The following PLCB1 variants were observed in gnomAD, a reference collection of about 807,000 sequenced individuals.
The protein encoded by PLCB1 is 1-phosphatidylinositol 4,5-bisphosphate phosphodiesterase beta-1.
A neutral mutation model predicts 161.8 loss-of-function variants in PLCB1; 46 were observed. The observed-to-expected ratio is 0.28, with a 90% CI of 0.22 to 0.36. The LOEUF is 0.36. PLCB1 is among the 10% of genes least tolerant of loss of function. PLCB1 has a pLI of 1.00. For synonymous variants in PLCB1, 517 were observed against 503.7 expected (o/e 1.03, Z -0.35); for missense variants, 1,016 against 1,472.5 (o/e 0.69, Z 5.07).
chr20:8,365,713 T>C (rs1160160634), intron 2 of PLCB1, among the ~76,000 whole-genome samples: 1 of 152,240 alleles, frequency 6.6e-6, no homozygotes, highest in African/African-American at 2.4e-5. Context: ...TATTCTACTT[T>C]TGGTAAATCA....
intron 31 of PLCB1, among the ~76,000 whole-genome samples, chr20:8,815,757 C>T (rs1985057293): frequency 6.6e-6 from 1 of 152,178 alleles, no homozygotes; most frequent in Non-Finnish European, 1.5e-5. Context: ...AAAAAATTAT[C>T]TGCTGATCAT....
intron 31 of PLCB1, among the ~76,000 whole-genome samples, chr20:8,838,201 A>C (rs1391741217): frequency 6.6e-6 from 1 of 152,204 alleles, no homozygotes; most frequent in Non-Finnish European, 1.5e-5. Flanking sequence ...AGTCTCTTTG[A>C]GGAAAGACTC....
At chr20:8,528,044 G>A (rs722664) in intron 3 of PLCB1, among the ~76,000 whole-genome samples, 94,389 of 151,882 alleles carry the variant, frequency 0.62, 29,876 homozygotes, top group African/African-American at 0.71. Flanking sequence ...TAACAATGAC[G>A]TAATTGATGA....
intron 26 of PLCB1, among the ~76,000 whole-genome samples, chr20:8,766,249 AAC>A (rs1982308661): frequency 3.3e-5 from 5 of 152,184 alleles, no homozygotes; most frequent in Admixed American, 2.0e-4. Context: ...ATAAACAACA[AAC>A]ACACAGCATC....
At chr20:8,573,463 A>C (rs911531467) in intron 3 of PLCB1, among the ~76,000 whole-genome samples, 2 of 152,256 alleles carry the variant, frequency 1.3e-5, no homozygotes, top group Non-Finnish European at 2.9e-5. Context: ...TCAATGCTGC[A>C]TACTATTCCA....
At chr20:8,170,855 A>G (rs1395510505) in intron 2 of PLCB1, among the ~76,000 whole-genome samples, 1 of 152,186 alleles carries the variant, frequency 6.6e-6, no homozygotes, top group Non-Finnish European at 1.5e-5. Context: ...TGAGAGAGCA[A>G]CAGCATTACT....
At chr20:8,653,362 A>T (rs1160912511) in intron 7 of PLCB1, 4 of 152,040 alleles carry the variant, frequency 2.6e-5, no homozygotes, top group Admixed American at 1.3e-4. Flanking sequence ...ATAAATCAGA[A>T]GCAATCACTT....
intron 3 of PLCB1, among the ~76,000 whole-genome samples, chr20:8,416,929 TACACACACACACACAC>T (rs56097941): frequency 7.9e-5 from 10 of 126,450 alleles, no homozygotes; most frequent in Non-Finnish European, 1.5e-4. Context: ...AGAGACAGAA[TACACACACACACACAC>T]ACACACACAC....
intron 2 of PLCB1, among the ~76,000 whole-genome samples, chr20:8,180,016 G>A (rs1466992561): frequency 2.0e-5 from 3 of 151,226 alleles, no homozygotes; most frequent in Non-Finnish European, 4.4e-5. Context: ...CCGCCACTAC[G>A]CCCGGCTAAT....
At chr20:8,836,280 A>G (rs1986280284) in intron 31 of PLCB1, among the ~76,000 whole-genome samples, 1 of 152,204 alleles carries the variant, frequency 6.6e-6, no homozygotes, top group Non-Finnish European at 1.5e-5. Context: ...GAGCTGAAAA[A>G]TAACTGTGGC....
chr20:8,144,685 G>A (rs930413568), intron 1 of PLCB1, among the ~76,000 whole-genome samples: 1 of 152,184 alleles, frequency 6.6e-6, no homozygotes, highest in African/African-American at 2.4e-5. Flanking sequence ...AGTTTGACAA[G>A]CATCACATCT....
chr20:8,303,301 T>A (rs1027983625), intron 2 of PLCB1, among the ~76,000 whole-genome samples: 2 of 152,170 alleles, frequency 1.3e-5, no homozygotes, highest in Admixed American at 6.5e-5. Context: ...TGGGCACAAT[T>A]TGCCTTTATG....
At chr20:8,523,130 A>G (rs1984416590) in intron 3 of PLCB1, among the ~76,000 whole-genome samples, 1 of 152,038 alleles carries the variant, frequency 6.6e-6, no homozygotes, top group Non-Finnish European at 1.5e-5. Flanking sequence ...TGAAAGGGTC[A>G]TATAATCCTT....
chr20:8,338,671 C>T (rs1016753688), intron 2 of PLCB1, among the ~76,000 whole-genome samples: 1 of 152,108 alleles, frequency 6.6e-6, no homozygotes, highest in Non-Finnish European at 1.5e-5. Flanking sequence ...GAGTAGAATG[C>T]ACAAATCTCA....
chr20:8,635,928 A>G (rs1988749141), intron 4 of PLCB1, among the ~76,000 whole-genome samples: 1 of 152,202 alleles, frequency 6.6e-6, no homozygotes, highest in Non-Finnish European at 1.5e-5. Flanking sequence ...ATTTATTTTT[A>G]TTCTGGGAAC....
chr20:8,336,078 G>A (rs1032997265), intron 2 of PLCB1, among the ~76,000 whole-genome samples: 9 of 152,216 alleles, frequency 5.9e-5, no homozygotes, highest in East Asian at 1.9e-4. Context: ...AAGGGGATGC[G>A]GGAAGCTATT....
chr20:8,557,497 A>G (rs546247366), intron 3 of PLCB1, among the ~76,000 whole-genome samples: 25 of 152,116 alleles, frequency 1.6e-4, no homozygotes, highest in Non-Finnish European at 2.1e-4. Context: ...AGAGGAGTCA[A>G]ATTTATAGAG....
intron 3 of PLCB1, among the ~76,000 whole-genome samples, chr20:8,392,810 A>G (rs1349762308): frequency 6.6e-6 from 1 of 152,214 alleles, no homozygotes; most frequent in Non-Finnish European, 1.5e-5. Flanking sequence ...ATGTACCATA[A>G]AAAAGTGAAA....
chr20:8,530,172 A>G (rs1229162745), intron 3 of PLCB1, among the ~76,000 whole-genome samples: 1 of 152,084 alleles, frequency 6.6e-6, no homozygotes, highest in Non-Finnish European at 1.5e-5. Flanking sequence ...AGTGTTCTGC[A>G]CATTTGTTTT....
Sources: gnomAD v4.1 joint callset for allele counts (sites outside exome capture counted in the v4.1 genomes callset) on GRCh38, gnomAD v4.1.1 for gene constraint, MANE v1.5 for transcripts, NCBI Gene and HGNC (gene_info 2026-07-23, HGNC 2026-07-21) for gene names.